DNAH14: variants seen among roughly 807,000 people sequenced by gnomAD.
The protein encoded by DNAH14 is dynein axonemal heavy chain 14, also known as axonemal beta dynein heavy chain 14.
A neutral mutation model predicts 520.9 loss-of-function variants in DNAH14; 478 were observed. The ratio of observed to expected loss-of-function variants is 0.92; its 90% CI spans 0.85 to 0.99. The LOEUF (loss-of-function observed/expected upper bound fraction) is 0.99. Ranked by LOEUF, DNAH14 falls within the 50% of genes least tolerant of loss-of-function variation. The pLI is 0.00. For missense variants in DNAH14, 4,831 were observed against 5,234.5 expected, an observed-to-expected ratio of 0.92 and a Z score of 2.38; for synonymous variants, 1,581 against 1,757.2, an observed-to-expected ratio of 0.90 and a Z score of 2.51.
chr1:225,302,244 G>A (rs947442741), intron 56 of DNAH14, among the ~76,000 whole-genome samples: 1 of 151,346 alleles, frequency 6.6e-6, no homozygotes, highest in Non-Finnish European at 1.5e-5. Flanking sequence ...ATATATCTAG[G>A]TAGAAGTTTT....
rs1270628911 is a variant in DNAH14, at chr1:225,079,414, CTTAAG to C, written c.2635_2639del (p.Lys879Ter). 1 of 1,550,124 alleles carries C rather than the reference CTTAAG, an allele frequency of 6.5e-7. No homozygotes were observed. Among genetic ancestry groups the C allele is most frequent in the Non-Finnish European group, 8.7e-7 (1 of 1,146,658 alleles). On this transcript the variant is annotated frameshift_variant, in exon 18 of 86. Transcript: ENST00000682510. LOFTEE classifies it high-confidence loss of function. The stretch of plus-strand genomic sequence containing the variant: ...AATTGCCATATTCCAAGTTCTTCTT[CTTAAG>C]TTTAGTCAACTAAAATCATCTATGA...
chr1:225,080,229 TTGTC>T, intron 18 of DNAH14, 146 bp from the exon 19 acceptor site: 2 of 799,700 alleles, frequency 2.5e-6, no homozygotes, highest in Non-Finnish European at 1.8e-6. Flanking sequence ...ATCTTTATCT[TTGTC>T]TGGGCCAAAT....
At position 225,353,831 on chromosome 1, in the gene DNAH14, G is replaced by A. The variant is rs192354509; in HGVS notation, c.11562G>A (p.Thr3854=). ...ETELLNENKE[T]CNPINFPWEK... ...AACTTTTGAATGAAAATAAAGAAAC[G>A]TGTAATCCTATAAATTTTCCCTGGG... Residue 3854 remains threonine, a synonymous_variant, in exon 73 of 86, where the codon ACG becomes ACA. Transcript: ENST00000682510. 5,630 of 1,520,338 alleles carry A rather than the reference G, an allele frequency of 3.7e-3. 20 individuals are homozygous for A. Among genetic ancestry groups the A allele is most frequent in the Non-Finnish European group, 4.4e-3 (4,943 of 1,123,642 alleles). 94.2% of individuals were successfully genotyped at this position (1,520,338 alleles called of 1,614,324 possible). A position where few individuals can be genotyped will look rare whatever the true frequency, so the allele number is the denominator to read the frequency against.
intron 23 of DNAH14, among the ~76,000 whole-genome samples, chr1:225,108,841 G>A (rs915450551): frequency 1.3e-5 from 2 of 152,152 alleles, no homozygotes; most frequent in African/African-American, 4.8e-5. Flanking sequence ...TAGTTTAATA[G>A]TTTGAGGTCT....
intron 55 of DNAH14, among the ~76,000 whole-genome samples, chr1:225,294,123 A>G (rs909466740): frequency 6.6e-6 from 1 of 152,044 alleles, no homozygotes; most frequent in African/African-American, 2.4e-5. Flanking sequence ...TTCAATAGCT[A>G]ATTTATTGAG....
At chr1:224,980,547 T>TG (rs1256322278) in intron 8 of DNAH14, among the ~76,000 whole-genome samples, 1 of 152,186 alleles carries the variant, frequency 6.6e-6, no homozygotes, top group South Asian at 2.1e-4. Flanking sequence ...ATCCAGGGCC[T>TG]GGGGGATCTC....
chr1:225,079,260 A>G lies in DNAH14; in HGVS notation c.2478A>G (p.Glu826=). ...AATGTGATCCCACTGAAATAGAAGAATTTCTGGAGCATTTTATTTTTTTGA... is the reference window on the plus strand; with the variant it reads ...AATGTGATCCCACTGAAATAGAAGAGTTTCTGGAGCATTTTATTTTTTTGA... ...QLECDPTEIE[E]FLEHFIFLNA... Residue 826 remains glutamate (E), a synonymous_variant, in exon 18 of 86, where the codon GAA becomes GAG. Transcript: ENST00000682510. The G allele has an allele frequency of 5.2e-6, 8 of 1,548,598 alleles. No homozygotes were observed. The highest frequency in any genetic ancestry group is 7.0e-6 in the Non-Finnish European group (8 of 1,146,412).
At chr1:225,037,450 C>T (rs1482678825) in intron 11 of DNAH14, among the ~76,000 whole-genome samples, 1 of 152,040 alleles carries the variant, frequency 6.6e-6, no homozygotes, top group Non-Finnish European at 1.5e-5. Flanking sequence ...TTATTTTAAC[C>T]TCAGGACAAC....
chr1:225,198,226 T>A (rs991652496), intron 38 of DNAH14, among the ~76,000 whole-genome samples: 3 of 151,888 alleles, frequency 2.0e-5, no homozygotes, highest in African/African-American at 7.3e-5. Context: ...TGCCAATTTT[T>A]TTTTTTTTTT....
intron 35 of DNAH14, among the ~76,000 whole-genome samples, chr1:225,160,502 C>T (rs2081409270): frequency 6.6e-6 from 1 of 152,140 alleles, no homozygotes; most frequent in African/African-American, 2.4e-5. Context: ...GTTTGAAAAT[C>T]TCCCTTGAAA....
At chr1:225,301,551 A>G (rs2094139663) in intron 56 of DNAH14, among the ~76,000 whole-genome samples, 1 of 152,174 alleles carries the variant, frequency 6.6e-6, no homozygotes. Context: ...GATGAGAGAT[A>G]TAGATTAGTC....
chr1:225,339,451 C>T (rs1574905091), intron 68 of DNAH14, among the ~76,000 whole-genome samples: 1 of 152,190 alleles, frequency 6.6e-6, no homozygotes, highest in African/African-American at 2.4e-5. Flanking sequence ...AGGTAACAGT[C>T]CTACGGGACT....
intron 7 of DNAH14, 32 bp from the exon 8 acceptor site, chr1:224,974,059 A>T: frequency 7.1e-7 from 1 of 1,403,838 alleles, no homozygotes; most frequent in Non-Finnish European, 9.5e-7. Context: ...TGGTTTATGG[A>T]TATGGAATAT....
rs2080746247 is a variant in DNAH14 at position 225,153,747 on chromosome 1, T to C, written c.5197-3T>C. 1.3e-6 allele frequency: 2 copies of C among 1,535,356 alleles called. No homozygotes were observed. The highest frequency in any genetic ancestry group is 1.8e-6 in the Non-Finnish European group (2 of 1,134,170). On this transcript the variant is annotated splice_polypyrimidine_tract_variant and splice_region_variant and intron_variant, in intron 33 of 85. Transcript: ENST00000682510. ...ATAATTCAAATATTTTAATGTTTGATAGGATCATTATAATTTTGGCTTGAG... is the reference window on the plus strand; with the variant it reads ...ATAATTCAAATATTTTAATGTTTGACAGGATCATTATAATTTTGGCTTGAG...
intron 83 of DNAH14, among the ~76,000 whole-genome samples, chr1:225,390,939 G>T (rs1456932597): frequency 6.6e-6 from 1 of 152,050 alleles, no homozygotes; most frequent in Non-Finnish European, 1.5e-5. Context: ...ATGATTCTGG[G>T]GGTGGGGGGA....
At chr1:225,239,466 T>C (rs184484967) in intron 42 of DNAH14, among the ~76,000 whole-genome samples, 16 of 152,278 alleles carry the variant, frequency 1.1e-4, no homozygotes, top group Non-Finnish European at 1.9e-4. Flanking sequence ...AGGTGGACCA[T>C]CACCCGACTC....
At chr1:225,240,883 C>A (rs972752878) in intron 43 of DNAH14, 61 bp downstream of exon 43, 3 of 1,214,466 alleles carry the variant, frequency 2.5e-6, no homozygotes, top group Non-Finnish European at 3.4e-6. Flanking sequence ...TAAAGCAATG[C>A]TTGGCTTATA....
intron 67 of DNAH14, 116 bp from the exon 68 acceptor site, chr1:225,337,945 A>G (rs1420615509): frequency 3.0e-6 from 3 of 990,658 alleles, no homozygotes; most frequent in Non-Finnish European, 4.4e-6. Context: ...ACTATGAAAT[A>G]CTAGGTCTTA....
intron 35 of DNAH14, among the ~76,000 whole-genome samples, 185 bp downstream of exon 35, chr1:225,159,670 G>A (rs2081352100): frequency 1.3e-5 from 2 of 152,148 alleles, no homozygotes; most frequent in Admixed American, 6.5e-5. Flanking sequence ...AGTATATTAT[G>A]TCCTAATGGA....
Sources: allele counts gnomAD v4.1 joint callset (sites outside exome capture counted in the v4.1 genomes callset), GRCh38; gene constraint gnomAD v4.1.1; transcripts MANE v1.5; gene names NCBI Gene and HGNC (gene_info 2026-07-23, HGNC 2026-07-21).